Variants in CTNNBL1 observed in about 807,000 individuals in gnomAD.
CTNNBL1 encodes beta-catenin-like protein 1.
Under a neutral mutation model 72.7 loss-of-function variants are expected in CTNNBL1, and 31 were observed. That is an observed-to-expected ratio of 0.43 (90% confidence interval 0.32 to 0.58). The LOEUF (loss-of-function observed/expected upper bound fraction) is 0.58. Ranked by LOEUF, CTNNBL1 falls within the 20% of genes least tolerant of loss-of-function variation. CTNNBL1 has a pLI of 0.08. For missense variants in CTNNBL1, 534 were observed against 725.1 expected (o/e 0.74, Z 3.03); for synonymous variants, 240 against 267.3 (o/e 0.90, Z 1.00).
Position 37,732,722 on chromosome 20 carries a change from G to A in CTNNBL1, c.31-157G>A, listed in dbSNP as rs185515350. On this transcript the variant is annotated intron_variant, in intron 1 of 15. Coordinates refer to ENST00000361383, the MANE Select transcript of CTNNBL1 (RefSeq NM_030877.5). ...TTTTTTTGTATTTTTTGTAGAGTCAGGGTTTTACCATGTTGCCTCAGGCTG... is the reference window on the plus strand; with the variant it reads ...TTTTTTTGTATTTTTTGTAGAGTCAAGGTTTTACCATGTTGCCTCAGGCTG... 3.4e-3 allele frequency among the ~76,000 whole-genome samples: 522 copies of A among 152,240 alleles called. 2 individuals are homozygous for A. The highest frequency in any genetic ancestry group is 5.4e-3 in the Non-Finnish European group (366 of 68,022).
rs1490459894 is a variant in CTNNBL1, at chr20:37,849,352, C to CG, written c.1392+6935dup. On this transcript the variant is annotated intron_variant, in intron 13 of 15. Coordinates refer to ENST00000361383, the MANE Select transcript of CTNNBL1 (RefSeq NM_030877.5). ...CGGGATGCAGTCTAACCTCCTGCGC[C>CG]GGCCTCATGGTGCCTCGCCCAGTTT... Among the ~76,000 whole-genome samples the CG allele has an allele frequency of 3.3e-5, 5 of 152,342 alleles. No individual in the cohort carries two copies. The East Asian group carries it at 7.7e-4, about 24-fold the overall frequency.
chr20:37,860,237 GTCTT>G (rs1568815881), intron 14 of CTNNBL1, 31 bp from the exon 15 acceptor site: 22 of 1,581,604 alleles, frequency 1.4e-5, no homozygotes, highest in Non-Finnish European at 1.9e-5. Context: ...ACAAATGGTT[GTCTT>G]TCTTTCTCTA....
chr20:37,811,398 C>T (rs770480264), intron 11 of CTNNBL1, among the ~76,000 whole-genome samples: 10 of 152,210 alleles, frequency 6.6e-5, no homozygotes, highest in Non-Finnish European at 1.5e-4. Context: ...GTACTAGCAG[C>T]AGTTTATGTT....
intron 2 of CTNNBL1, among the ~76,000 whole-genome samples, chr20:37,734,272 C>T (rs981247706): frequency 2.0e-5 from 3 of 152,148 alleles, no homozygotes; most frequent in Non-Finnish European, 2.9e-5. Context: ...GGGGGTCTCC[C>T]GCTAAAAGAT....
At position 37,842,352 on chromosome 20, in the gene CTNNBL1, T is replaced by C. The variant is rs1414951761; in HGVS notation, c.1325T>C (p.Met442Thr). The change falls in exon 13 of 16, where the codon ATG (methionine) becomes ACG (threonine). Residue 442 changes from methionine to threonine, a missense_variant. Physicochemically the swap from Met to Thr is moderately conservative, Grantham distance 81. Transcript: ENST00000361383. The stretch of plus-strand genomic sequence containing the variant: ...TCTCTCTTTCAGGTTGACAGACTAA[T>C]GGAGTTGCATTTTAAATATCTGGGT... Reference protein sequence around the residue: ...ENDSEKVDRLMELHFKYLGAM... With the variant: ...ENDSEKVDRLTELHFKYLGAM... 1 of 1,613,056 alleles carries C rather than the reference T, an allele frequency of 6.2e-7. No individual in the cohort carries two copies. Among genetic ancestry groups the C allele is most frequent in the South Asian group, 1.1e-5 (1 of 91,042 alleles).
At chr20:37,710,027 C>A (rs149106511) in intron 1 of CTNNBL1, among the ~76,000 whole-genome samples, 1 of 152,200 alleles carries the variant, frequency 6.6e-6, no homozygotes, top group Non-Finnish European at 1.5e-5. Context: ...CGGGGTCAGG[C>A]AGTGCTGTGT....
intron 1 of CTNNBL1, among the ~76,000 whole-genome samples, chr20:37,694,770 C>T (rs970180656): frequency 2.6e-5 from 4 of 152,180 alleles, no homozygotes; most frequent in Non-Finnish European, 5.9e-5. Flanking sequence ...GAATCTTGCT[C>T]AGGGTCCCCC....
intron 10 of CTNNBL1, among the ~76,000 whole-genome samples, chr20:37,781,136 C>T (rs990213386): frequency 1.3e-5 from 2 of 152,140 alleles, no homozygotes; most frequent in African/African-American, 4.8e-5. Context: ...GCTAGCTTTA[C>T]TCTCTTGAGT....
rs2073834853 is a variant in CTNNBL1 at position 37,802,938 on chromosome 20, A to T, written c.1103A>T (p.Asp368Val). ...DHAMIGPEGT[D>V]NCHKFVDILG... ...GCCATGATTGGCCCCGAAGGCACAGACAACTGCCATAAGTTTGTTGACATT... is the reference window on the plus strand; with the variant it reads ...GCCATGATTGGCCCCGAAGGCACAGTCAACTGCCATAAGTTTGTTGACATT... Residue 368 changes from aspartate to valine, a missense_variant, in exon 11 of 16, where the codon GAC becomes GTC. Coordinates refer to ENST00000361383, the MANE Select transcript of CTNNBL1 (RefSeq NM_030877.5). 2 of 1,614,022 alleles carry T rather than the reference A, an allele frequency of 1.2e-6. No individual in the cohort carries two copies. The highest frequency in any genetic ancestry group is 2.7e-5 in the African/African-American group (2 of 74,900).
At chr20:37,848,624 C>T (rs2072367860) in intron 13 of CTNNBL1, among the ~76,000 whole-genome samples, 1 of 152,168 alleles carries the variant, frequency 6.6e-6, no homozygotes, top group South Asian at 2.1e-4. Flanking sequence ...CCCTCTACTG[C>T]CTCCCTGCCT....
At chr20:37,759,440 A>G (rs2073395077) in intron 5 of CTNNBL1, among the ~76,000 whole-genome samples, 1 of 152,090 alleles carries the variant, frequency 6.6e-6, no homozygotes, top group African/African-American at 2.4e-5. Flanking sequence ...TTGCATGTAA[A>G]ACATACCCAG....
chr20:37,796,155 C>T (rs147683922), intron 10 of CTNNBL1, among the ~76,000 whole-genome samples: 341 of 152,190 alleles, frequency 2.2e-3, no homozygotes, highest in African/African-American at 7.7e-3. Flanking sequence ...TATTCCTGGC[C>T]CTCCGTGAGC....
chr20:37,842,247 G>A, intron 12 of CTNNBL1, 92 bp from the exon 13 acceptor site: 1 of 882,756 alleles, frequency 1.1e-6, no homozygotes, highest in Non-Finnish European at 1.9e-6. Flanking sequence ...CCCTTTGTAA[G>A]GGAGCGACAG....
intron 6 of CTNNBL1, among the ~76,000 whole-genome samples, chr20:37,766,357 A>G (rs934887417): frequency 6.6e-6 from 1 of 152,220 alleles, no homozygotes; most frequent in African/African-American, 2.4e-5. Flanking sequence ...ACAGCTCAGG[A>G]GAGTCTTCCC....
At chr20:37,860,437 A>T in intron 15 of CTNNBL1, 93 bp downstream of exon 15, 1 of 1,047,772 alleles carries the variant, frequency 9.5e-7, no homozygotes, top group South Asian at 1.3e-5. Context: ...TTTGATGTGG[A>T]GCGTTTTCTG....
rs984091070 is a variant in CTNNBL1, at chr20:37,728,184, C to T, written c.31-4695C>T. Reference sequence around the variant, plus strand: ...GGCTGTTGAGCACATGAAATTGGGCCAGTCTGTATTGAGAAACACCATAAG... The same window carrying T: ...GGCTGTTGAGCACATGAAATTGGGCTAGTCTGTATTGAGAAACACCATAAG... On this transcript the variant is annotated intron_variant, in intron 1 of 15. Coordinates refer to ENST00000361383, the MANE Select transcript of CTNNBL1 (RefSeq NM_030877.5). Among the ~76,000 whole-genome samples, 13 of 152,056 alleles carry T rather than the reference C, an allele frequency of 8.5e-5. 1 individual carries two copies. Among genetic ancestry groups the T allele is most frequent in the Non-Finnish European group, 1.9e-4 (13 of 68,028 alleles).
intron 7 of CTNNBL1, among the ~76,000 whole-genome samples, chr20:37,774,255 G>A (rs557233621): frequency 1.3e-5 from 2 of 152,210 alleles, no homozygotes; most frequent in Non-Finnish European, 2.9e-5. Flanking sequence ...CCTGCCAAGA[G>A]GGTGCAGCTA....
intron 13 of CTNNBL1, among the ~76,000 whole-genome samples, chr20:37,845,816 T>C (rs1335496070): frequency 6.6e-6 from 1 of 152,218 alleles, no homozygotes; most frequent in African/African-American, 2.4e-5. Flanking sequence ...TTTGAAGACT[T>C]TGACTATCAG....
chr20:37,830,618 T>C (rs543392898), intron 11 of CTNNBL1, among the ~76,000 whole-genome samples: 2 of 152,256 alleles, frequency 1.3e-5, no homozygotes, highest in Non-Finnish European at 2.9e-5. Context: ...TTAATATACA[T>C]AGGACTCATG....
Sources: gnomAD v4.1 joint callset for allele counts (sites outside exome capture counted in the v4.1 genomes callset) on GRCh38, gnomAD v4.1.1 for gene constraint, MANE v1.5 for transcripts, NCBI Gene and HGNC (gene_info 2026-07-23, HGNC 2026-07-21) for gene names.